Variants in STC1 observed in about 807,000 individuals in gnomAD.
STC1 encodes the protein stanniocalcin 1.
In STC1, 7 loss-of-function variants were observed where a neutral mutation model predicts 22.6. That is an observed-to-expected ratio of 0.31 (90% confidence interval 0.18 to 0.58). The LOEUF (loss-of-function observed/expected upper bound fraction) is 0.58, where lower values mean the gene tolerates loss of function less well. Ranked by LOEUF, STC1 falls within the 20% of genes least tolerant of loss-of-function variation. The pLI is 0.89. For synonymous variants in STC1, 113 were observed against 120.7 expected, an observed-to-expected ratio of 0.94 and a Z score of 0.42; for missense variants, 224 against 311.0, an observed-to-expected ratio of 0.72 and a Z score of 2.10.
chr8:23,852,312 G>T lies in STC1; in HGVS notation c.191C>A (p.Thr64Asn), dbSNP rs535736785. ...GTCATACATCCCATCTGTGTCACAG[G>T]TGGAGTTTTCCAGGCATGCAAAAGC... is the stretch of plus-strand genomic sequence containing the variant. ...CGAFACLENSTCDTDGMYDIC... is the reference protein window; with the variant it reads ...CGAFACLENSNCDTDGMYDIC... Residue 64 changes from threonine (T) to asparagine (N), a missense_variant, in exon 2 of 4, where the codon ACC becomes AAC. Coordinates refer to ENST00000290271, the MANE Select transcript of STC1 (RefSeq NM_003155.3). The T allele has an allele frequency of 1.2e-6, 2 of 1,613,988 alleles. No homozygotes were observed. The highest frequency in any genetic ancestry group is 4.5e-5 in the East Asian group (2 of 44,872).
chr8:23,846,881 A>T (rs943586311), intron 3 of STC1, among the ~76,000 whole-genome samples: 1 of 150,734 alleles, frequency 6.6e-6, no homozygotes, highest in Non-Finnish European at 1.5e-5. Flanking sequence ...TAGAATAAAC[A>T]ACTTTGCACC....
Position 23,842,734 on chromosome 8 carries a change from A to C in STC1, c.*2036T>G, listed in dbSNP as rs1025596972. On this transcript the variant is annotated 3_prime_UTR_variant, in exon 4 of 4. Coordinates refer to ENST00000290271, the MANE Select transcript of STC1 (RefSeq NM_003155.3). Reference sequence around the variant, plus strand: ...TAGAATATGGTCTACCTGATTTCCAAGAGGCTAAGGCAGTGTCCATAAGTT... The same window carrying C: ...TAGAATATGGTCTACCTGATTTCCACGAGGCTAAGGCAGTGTCCATAAGTT... 2 of 152,564 alleles carry C rather than the reference A, an allele frequency of 1.3e-5. No homozygotes were observed. Among genetic ancestry groups the C allele is most frequent in the African/African-American group, 2.4e-5 (1 of 41,382 alleles). The allele number at this position is 152,564 out of a possible 1,614,324, so 9.5% of individuals were successfully genotyped here. A position where few individuals can be genotyped will look rare whatever the true frequency, so the allele number is the denominator to read the frequency against.
At chr8:23,851,914 T>A (rs1802642891) in intron 2 of STC1, among the ~76,000 whole-genome samples, 1 of 152,188 alleles carries the variant, frequency 6.6e-6, no homozygotes. Flanking sequence ...TGCACGTTTT[T>A]ATGTCCTCTT....
Position 23,842,690 on chromosome 8 carries a change from G to A in STC1, c.*2080C>T, listed in dbSNP as rs2117734028. 6.6e-6 allele frequency: 1 copy of A among 152,586 alleles called. No homozygotes were observed. The highest frequency in any genetic ancestry group is 1.5e-5 in the Non-Finnish European group (1 of 68,030). The allele number at this position is 152,586 out of a possible 1,614,324, so 9.5% of individuals were successfully genotyped here. A position where few individuals can be genotyped will look rare whatever the true frequency, so the allele number is the denominator to read the frequency against. On this transcript the variant is annotated 3_prime_UTR_variant, in exon 4 of 4. Coordinates refer to ENST00000290271, the MANE Select transcript of STC1 (RefSeq NM_003155.3). ...TGCCTGGGGGTGGGAAGTGTGGGAG[G>A]GAGGGGAAGAGTCTAACTTAGAATA...
At chr8:23,845,553 G>GGC (rs112840285) in intron 3 of STC1, among the ~76,000 whole-genome samples, 2 of 150,282 alleles carry the variant, frequency 1.3e-5, no homozygotes, top group Non-Finnish European at 3.0e-5. Context: ...TGTGGGCACA[G>GGC]GTGTGTGTGT....
rs557804606 is a variant in STC1 at position 23,851,175 on chromosome 8, A to AT, written c.473+144dup. On this transcript the variant is annotated intron_variant, in intron 3 of 3. Coordinates refer to ENST00000290271, the MANE Select transcript of STC1 (RefSeq NM_003155.3). ...AACTGTCACAACCAATCACAAACAT[A>AT]TTTTTTTCCTGCAAAAGCTGGGAAG... 9.7e-5 allele frequency: 76 copies of AT among 783,718 alleles called. 1 individual carries two copies. The highest frequency in any genetic ancestry group is 1.4e-4 in the South Asian group (8 of 58,594). The allele number at this position is 783,718 out of a possible 1,614,324, so 48.5% of individuals were successfully genotyped here. A position where few individuals can be genotyped will look rare whatever the true frequency, so the allele number is the denominator to read the frequency against.
At chr8:23,853,397 A>C (rs1802661641) in intron 1 of STC1, among the ~76,000 whole-genome samples, 1 of 151,102 alleles carries the variant, frequency 6.6e-6, no homozygotes, top group South Asian at 2.1e-4. Flanking sequence ...AAGCAGTTTT[A>C]ATATGCATTA....
chr8:23,850,795 C>A (rs937654207), intron 3 of STC1, among the ~76,000 whole-genome samples: 1 of 152,026 alleles, frequency 6.6e-6, no homozygotes, highest in African/African-American at 2.4e-5. Context: ...GAAATCTGAG[C>A]CCCAGGGAAG....
rs368575278 is a variant in STC1 at position 23,851,124 on chromosome 8, A to C, written c.473+196T>G. Among the ~76,000 whole-genome samples the C allele has an allele frequency of 5.3e-5, 8 of 152,202 alleles. No homozygotes were observed. In the East Asian group the frequency reaches 1.6e-3, roughly 29 times the overall value. On this transcript the variant is annotated intron_variant, in intron 3 of 3. Transcript: ENST00000290271. ...ATGAAAAGACTTTTCCTATAACAGTAGGGAAAAAAAAGCCCAAGCTGCTTA... is the reference window on the plus strand; with the variant it reads ...ATGAAAAGACTTTTCCTATAACAGTCGGGAAAAAAAAGCCCAAGCTGCTTA...
chr8:23,849,283 G>T (rs887301512), intron 3 of STC1, among the ~76,000 whole-genome samples: 6 of 152,228 alleles, frequency 3.9e-5, no homozygotes, highest in Non-Finnish European at 5.9e-5. Flanking sequence ...AGCTTCAATG[G>T]AGCAAAGCAA....
intron 3 of STC1, among the ~76,000 whole-genome samples, chr8:23,848,173 A>G (rs1405259915): frequency 6.6e-6 from 1 of 152,142 alleles, no homozygotes; most frequent in Admixed American, 6.5e-5. Context: ...TCTCAATTTT[A>G]CAAAAAATAG....
Position 23,852,354 on chromosome 8 carries a change from A to G in STC1, c.149T>C (p.Leu50Pro), listed in dbSNP as rs755044391. 3.1e-6 allele frequency: 5 copies of G among 1,611,554 alleles called. No homozygotes were observed. The highest frequency in any genetic ancestry group is 4.2e-6 in the Non-Finnish European group (5 of 1,178,834). The change falls in exon 2 of 4, where the codon CTA (leucine) becomes CCA (proline). Residue 50 changes from leucine to proline, a missense_variant. By Grantham distance (98) the Leu-to-Pro change is moderately conservative. Transcript: ENST00000290271. Reference sequence around the variant, plus strand: ...TGCAAAAGCCCCGCAGCCGACCTGTAGAGCACTGTTGAGGCAACGAACCAC... The same window carrying G: ...TGCAAAAGCCCCGCAGCCGACCTGTGGAGCACTGTTGAGGCAACGAACCAC... ...AEVVRCLNSA[L>P]QVGCGAFACL... is the part of the protein sequence containing the mutation.
intron 3 of STC1, among the ~76,000 whole-genome samples, chr8:23,846,833 G>A (rs1415801797): frequency 1.3e-5 from 2 of 152,162 alleles, no homozygotes; most frequent in Non-Finnish European, 2.9e-5. Context: ...ATCTCCTTTG[G>A]ATGGGGAAAT....
At chr8:23,854,035 C>G (rs1427329035) in intron 1 of STC1, 13 of 1,051,330 alleles carry the variant, frequency 1.2e-5, no homozygotes, top group Non-Finnish European at 1.5e-5. Context: ...ATCAAACAAG[C>G]CAGGTCTTAC....
chr8:23,851,107 A>G (rs1161694656), intron 3 of STC1, among the ~76,000 whole-genome samples: 1 of 151,976 alleles, frequency 6.6e-6, no homozygotes, highest in African/African-American at 2.4e-5. Flanking sequence ...GCATGAAAAG[A>G]CTTTTCCTAT....
chr8:23,844,710 G>C lies in STC1; in HGVS notation c.*60C>G, dbSNP rs1259559648. On this transcript the variant is annotated 3_prime_UTR_variant, in exon 4 of 4. Coordinates refer to ENST00000290271, the MANE Select transcript of STC1 (RefSeq NM_003155.3). ...ACCAGGCACAGTACACTCAAAACTG[G>C]TGTGTCAACACCCCTAAAATGATAC... 8 of 1,576,232 alleles carry C rather than the reference G, an allele frequency of 5.1e-6. No individual in the cohort carries two copies. In the East Asian group the frequency reaches 1.1e-4, roughly 22 times the overall value.
rs779487178 is a variant in STC1 at position 23,851,496 on chromosome 8, G to A, written c.297C>T (p.Ile99=). The A allele has an allele frequency of 3.8e-5, 61 of 1,614,010 alleles. No homozygotes were observed. Among genetic ancestry groups the A allele is most frequent in the Middle Eastern group, 1.6e-4 (1 of 6,084 alleles). The part of the protein sequence containing the change: ...KAFVKESLKC[I]ANGVTSKVFL... ...AGACCTTGGAGGTGACCCCGTTGGCGATGCATTTTAAGCTCTCTTTGACGA... is the reference window on the plus strand; with the variant it reads ...AGACCTTGGAGGTGACCCCGTTGGCAATGCATTTTAAGCTCTCTTTGACGA... The change falls in exon 3 of 4, where the codon ATC becomes ATT. Residue 99 remains isoleucine (I), a synonymous_variant. Coordinates refer to ENST00000290271, the MANE Select transcript of STC1 (RefSeq NM_003155.3).
chr8:23,844,759 C>A lies in STC1; in HGVS notation c.*11G>T. The A allele has an allele frequency of 1.2e-6, 2 of 1,611,438 alleles. No homozygotes were observed. The highest frequency in any genetic ancestry group is 1.7e-6 in the Non-Finnish European group (2 of 1,177,746). ...ACTAGTTTGGTGAGGTTGTGAATAA[C>A]CTCTCCCTGGTTATGCACTCTCATG... On this transcript the variant is annotated 3_prime_UTR_variant, in exon 4 of 4. Transcript: ENST00000290271.
rs545192698 is a variant in STC1 at position 23,842,784 on chromosome 8, C to G, written c.*1986G>C. The G allele has an allele frequency of 6.5e-6, 1 of 152,742 alleles. No homozygotes were observed. Among genetic ancestry groups the G allele is most frequent in the Non-Finnish European group, 1.5e-5 (1 of 68,138 alleles). The allele number at this position is 152,742 out of a possible 1,614,324, so 9.5% of individuals were successfully genotyped here. ...TTGGGGACCTGGGGATGGGACAGTT[C>G]TGAGTATAAAAATGCCCTTAACAAT... On this transcript the variant is annotated 3_prime_UTR_variant, in exon 4 of 4. Transcript: ENST00000290271.
Sources: allele counts gnomAD v4.1 joint callset (sites outside exome capture counted in the v4.1 genomes callset), GRCh38; gene constraint gnomAD v4.1.1; transcripts MANE v1.5; gene names NCBI Gene and HGNC (gene_info 2026-07-23, HGNC 2026-07-21).